PRAMEF11: variants seen among roughly 807,000 people sequenced by gnomAD.
The protein encoded by PRAMEF11 is PRAME family member 11.
Under a neutral mutation model 33.6 loss-of-function variants are expected in PRAMEF11, and 17 were observed. The ratio of observed to expected loss-of-function variants is 0.51; its 90% CI spans 0.35 to 0.76. The LOEUF is 0.76. PRAMEF11 is among the 30% of genes least tolerant of loss of function. The probability of loss-of-function intolerance (pLI) is 0.01; values close to 1 mark genes in which losing one functional copy is unlikely to be tolerated. For synonymous variants in PRAMEF11, 205 were observed against 227.3 expected (o/e 0.90, Z 0.88); for missense variants, 568 against 567.0 (o/e 1.00, Z -0.02).
chr1:12,831,110 G>C (rs1395654471), intron 1 of PRAMEF11, among the ~76,000 whole-genome samples: 4 of 151,044 alleles, frequency 2.6e-5, no homozygotes, highest in Non-Finnish European at 4.4e-5. Flanking sequence ...AATGTGTTGG[G>C]GTTAAAGGCA....
rs771488094 is a variant in PRAMEF11, at chr1:12,827,419, A to T, written c.705T>A (p.Asn235Lys). Residue 235 changes from asparagine to lysine, a missense_variant, in exon 3 of 4, where the codon AAT becomes AAA. By Grantham distance (94) the Asn-to-Lys change is moderately conservative. Around this residue, in one of 3 missense-constraint regions of PRAMEF11, gnomAD observed 342 missense variants for 312.0 expected, o/e 1.10. Coordinates refer to ENST00000619922, the MANE Select transcript of PRAMEF11 (RefSeq NM_001146344.3). ...TGTGGGAGAGAACGAGCTTCTGAAGATTCCTCAAGTGGCCCAGGTATGGGG... is the reference window on the plus strand; with the variant it reads ...TGTGGGAGAGAACGAGCTTCTGAAGTTTCCTCAAGTGGCCCAGGTATGGGG... ...QFTPYLGHLR[N>K]LQKLVLSHMD... is the part of the protein sequence containing the mutation. The T allele has an allele frequency of 2.5e-6, 4 of 1,607,198 alleles. No homozygotes were observed. Among genetic ancestry groups the T allele is most frequent in the African/African-American group, 1.3e-5 (1 of 74,680 alleles).
At chr1:12,828,376 C>A (rs551405598) in intron 2 of PRAMEF11, 121 bp downstream of exon 2, 1 of 1,430,256 alleles carries the variant, frequency 7.0e-7, no homozygotes, top group African/African-American at 1.5e-5. Flanking sequence ...GGTGAATGGC[C>A]AAGTCCTCTC....
At chr1:12,827,009 C>G (rs1366696252) in intron 3 of PRAMEF11, among the ~76,000 whole-genome samples, 1 of 151,184 alleles carries the variant, frequency 6.6e-6, no homozygotes, top group African/African-American at 2.4e-5. Context: ...CCCCCAGTAG[C>G]TAGCTTCCTA....
At chr1:12,826,697 A>G (rs1232638000) in intron 3 of PRAMEF11, among the ~76,000 whole-genome samples, 1 of 150,318 alleles carries the variant, frequency 6.7e-6, no homozygotes. Context: ...GGGAGGCAGA[A>G]GTTGCTGCGA....
chr1:12,828,511 T>G lies in PRAMEF11; in HGVS notation c.279A>C (p.Gln93His), dbSNP rs200394590. ...VLDGLDALLT[Q>H]GVRPRRWKLQ... ...GGCCACCTCACCTGGGACGAACCCC[T>G]TGGGTAAGCAGTGCATCCAGCCCAT... Residue 93 changes from glutamine (Q) to histidine (H), a missense_variant, in exon 2 of 4, where the codon CAA becomes CAC. Gln to His is a conservative substitution (Grantham distance 24). Transcript: ENST00000619922. 1.9e-5 allele frequency: 31 copies of G among 1,597,814 alleles called. No homozygotes were observed. Among genetic ancestry groups the G allele is most frequent in the African/African-American group, 1.5e-4 (11 of 72,756 alleles).
chr1:12,827,162 T>G (rs960369541), intron 3 of PRAMEF11, 87 bp downstream of exon 3: 1 of 1,571,858 alleles, frequency 6.4e-7, no homozygotes, highest in Non-Finnish European at 8.6e-7. Flanking sequence ...TACATCCTCA[T>G]AGGCTGGCTC....
chr1:12,825,971 T>TAA lies in PRAMEF11; in HGVS notation c.876-470_876-469dup, dbSNP rs5772506. On this transcript the variant is annotated intron_variant, in intron 3 of 3. Coordinates refer to ENST00000619922, the MANE Select transcript of PRAMEF11 (RefSeq NM_001146344.3). ...CCTGGGTGACAGAGTGATACTCTAT[T>TAA]AAAAAAAAAAAAAGGAGAAAAAATA... 3.5e-4 allele frequency among the ~76,000 whole-genome samples: 49 copies of TAA among 139,908 alleles called. 2 individuals are homozygous for TAA. Among genetic ancestry groups the TAA allele is most frequent in the Admixed American group, 7.2e-4 (10 of 13,890 alleles). The allele number at this position is 139,908 out of a possible 152,430, so 91.8% of individuals were successfully genotyped here.
In PRAMEF11 at chr1:12,828,624, G is replaced by T; in HGVS notation, c.166C>A (p.Leu56Met). The change falls in exon 2 of 4, where the codon CTG becomes ATG. Residue 56 changes from leucine (L) to methionine (M), a missense_variant. By Grantham distance (15) the Leu-to-Met change is conservative. Coordinates refer to ENST00000619922, the MANE Select transcript of PRAMEF11 (RefSeq NM_001146344.3). ...FSRRRCEALK[L>M]MVQAWPFRRL... ...CGGAAGGGCCAGGCCTGCACCATCA[G>T]CTTCAGGGCCTCACAGCGTCTCCTG... is the stretch of plus-strand genomic sequence containing the variant. 4 of 1,603,810 alleles carry T rather than the reference G, an allele frequency of 2.5e-6. 1 individual carries two copies. The highest frequency in any genetic ancestry group is 4.5e-5 in the East Asian group (2 of 44,002).
At chr1:12,831,104 T>C (rs1400130624) in intron 1 of PRAMEF11, among the ~76,000 whole-genome samples, 4 of 150,880 alleles carry the variant, frequency 2.7e-5, no homozygotes, top group Non-Finnish European at 4.4e-5. Context: ...CCTCCCAATG[T>C]GTTGGGGTTA....
chr1:12,830,443 C>T (rs1985685), intron 1 of PRAMEF11, among the ~76,000 whole-genome samples: 4 of 151,052 alleles, frequency 2.6e-5, no homozygotes, highest in East Asian at 2.0e-4. Context: ...ATGCACCCCC[C>T]ACAGCCATGT....
At chr1:12,825,765 G>A (rs1411654946) in intron 3 of PRAMEF11, among the ~76,000 whole-genome samples, 1 of 149,668 alleles carries the variant, frequency 6.7e-6, no homozygotes, top group African/African-American at 2.4e-5. Context: ...CTTGAGATCA[G>A]GAGTTTGAGA....
In PRAMEF11 at chr1:12,828,743, C is replaced by T. The variant is rs1395182902; in HGVS notation, c.47G>A (p.Gly16Glu). The change falls in exon 2 of 4, where the codon GGG (glycine) becomes GAG (glutamate). Residue 16 changes from glycine to glutamate, a missense_variant. By Grantham distance (98) the Gly-to-Glu change is moderately conservative. Transcript: ENST00000619922. ...RIPPRLLELAGRSLLRDQALA... is the reference protein window; with the variant it reads ...RIPPRLLELAERSLLRDQALA... ...GGCTTGGTCCCTCAGCAGGCTCCGC[C>T]CCGCAAGCTCCAGGAGTCTGGGTGG... 9.3e-6 allele frequency: 15 copies of T among 1,610,012 alleles called. No homozygotes were observed. Among genetic ancestry groups the T allele is most frequent in the Non-Finnish European group, 1.3e-5 (15 of 1,178,016 alleles).
At chr1:12,825,733 G>T (rs1183861923) in intron 3 of PRAMEF11, among the ~76,000 whole-genome samples, 1 of 148,916 alleles carries the variant, frequency 6.7e-6, no homozygotes, top group Non-Finnish European at 1.5e-5. Context: ...CAGCACTTTG[G>T]GAGGCTGAGA....
In PRAMEF11 at chr1:12,827,306, T is replaced by G. The variant is rs779106206; in HGVS notation, c.818A>C (p.Gln273Pro). The G allele has an allele frequency of 2.3e-5, 37 of 1,598,096 alleles. 5 individuals are homozygous for G. In the Admixed American group the frequency reaches 6.2e-4, roughly 27 times the overall value. The change falls in exon 3 of 4, where the codon CAA (glutamine) becomes CCA (proline). Residue 273 changes from glutamine (Q) to proline (P), a missense_variant. This residue lies in a region of PRAMEF11 where 52 missense variants were observed against 127.8 expected (regional missense o/e 0.41). Transcript: ENST00000619922. ...TTQFLKLRCL[Q>P]KLYMNSVSFL... ...AGAAACAGAGTTCATATAAAGCTTTTGGAGGCAGCGCAGCTTGAGGAACTG... is the reference window on the plus strand; with the variant it reads ...AGAAACAGAGTTCATATAAAGCTTTGGGAGGCAGCGCAGCTTGAGGAACTG...
intron 1 of PRAMEF11, among the ~76,000 whole-genome samples, chr1:12,829,177 C>G (rs1639953336): frequency 6.6e-6 from 1 of 151,476 alleles, no homozygotes; most frequent in East Asian, 2.0e-4. Flanking sequence ...CCCACAATTT[C>G]AGTTCCTAAA....
chr1:12,827,435 AGG>A lies in PRAMEF11; in HGVS notation c.687_688del (p.Leu230GlyfsTer75). The A allele has an allele frequency of 1.9e-6, 3 of 1,608,662 alleles. No individual in the cohort carries two copies. Among genetic ancestry groups the A allele is most frequent in the Non-Finnish European group, 2.5e-6 (3 of 1,178,252 alleles). ...CTTCTGAAGATTCCTCAAGTGGCCC[AGG>A]TATGGGGTAAACTGTGTCAGGATGG... On this transcript the variant is annotated frameshift_variant, in exon 3 of 4. Coordinates refer to ENST00000619922, the MANE Select transcript of PRAMEF11 (RefSeq NM_001146344.3). LOFTEE classifies it high-confidence loss of function.
In PRAMEF11 at chr1:12,831,355, C is replaced by T. The variant is rs1394182659; in HGVS notation, c.-17+1G>A. On this transcript the variant is annotated splice_donor_variant, in intron 1 of 3. Coordinates refer to ENST00000619922, the MANE Select transcript of PRAMEF11 (RefSeq NM_001146344.3). LOFTEE classifies it low-confidence loss of function (5UTR_SPLICE). ...TGTCCTTACAGAAATTAGTGACTTA[C>T]CAGATCTGGATGTAGTCTAGAAGGT... The T allele has an allele frequency of 2.6e-5, 4 of 151,028 alleles. No individual in the cohort carries two copies. Among genetic ancestry groups the T allele is most frequent in the African/African-American group, 9.7e-5 (4 of 41,186 alleles). 9.4% of individuals were successfully genotyped at this position (151,028 alleles called of 1,614,324 possible).
chr1:12,831,173 C>G (rs1380121677), intron 1 of PRAMEF11, among the ~76,000 whole-genome samples, 183 bp downstream of exon 1: 1 of 149,350 alleles, frequency 6.7e-6, no homozygotes. Flanking sequence ...AAAGCACAAT[C>G]AACTTTTTTG....
intron 1 of PRAMEF11, among the ~76,000 whole-genome samples, chr1:12,829,856 G>T (rs1411936168): frequency 6.6e-6 from 1 of 151,244 alleles, no homozygotes; most frequent in Non-Finnish European, 1.5e-5. Flanking sequence ...CTGGGAAATA[G>T]GCTAGATTGA....
Sources: allele counts gnomAD v4.1 joint callset (sites outside exome capture counted in the v4.1 genomes callset), GRCh38; gene constraint gnomAD v4.1.1; regional missense constraint gnomAD v4.1.1; transcripts MANE v1.5; gene names NCBI Gene and HGNC (gene_info 2026-07-23, HGNC 2026-07-21).